The following RPS6KB1 variants were observed in gnomAD, a reference collection of about 807,000 sequenced individuals.
RPS6KB1 encodes ribosomal protein S6 kinase B1, also known as ribosomal protein S6 kinase beta-1.
A neutral mutation model predicts 70.2 loss-of-function variants in RPS6KB1; 12 were observed. That is an observed-to-expected ratio of 0.17 (90% CI 0.11 to 0.28). The LOEUF is 0.28. RPS6KB1 is among the 10% of genes least tolerant of loss of function. The pLI is 1.00. For synonymous variants in RPS6KB1, 175 were observed against 211.2 expected (o/e 0.83, Z 1.49); for missense variants, 270 against 646.6 (o/e 0.42, Z 6.32).
In RPS6KB1 at chr17:59,925,057, T is replaced by G. The variant is rs1323946857; in HGVS notation, c.382-1378T>G. Among the ~76,000 whole-genome samples, 3 of 152,206 alleles carry G rather than the reference T, an allele frequency of 2.0e-5. No individual in the cohort carries two copies. In the East Asian group the frequency reaches 5.8e-4, roughly 29 times the overall value. On this transcript the variant is annotated intron_variant, in intron 4 of 14. Transcript: ENST00000225577. Reference sequence around the variant, plus strand: ...CGTGTTAGCCAGGATGGTCTTGATCTCCTAACCTCATTATCCGCCCTCCTC... The same window carrying G: ...CGTGTTAGCCAGGATGGTCTTGATCGCCTAACCTCATTATCCGCCCTCCTC...
chr17:59,906,992 C>G (rs944017522), intron 1 of RPS6KB1: 2 of 150,440 alleles, frequency 1.3e-5, no homozygotes, highest in Non-Finnish European at 2.9e-5. Flanking sequence ...CTTGCCCGGT[C>G]CCTTGCATTT....
intron 2 of RPS6KB1, among the ~76,000 whole-genome samples, chr17:59,911,022 C>T (rs892665381): frequency 6.6e-6 from 1 of 152,182 alleles, no homozygotes; most frequent in African/African-American, 2.4e-5. Flanking sequence ...GTGGCTCACA[C>T]CTGTAATCCC....
intron 2 of RPS6KB1, 151 bp from the exon 3 acceptor site, chr17:59,912,533 C>A: frequency 1.5e-6 from 1 of 684,772 alleles, no homozygotes. Flanking sequence ...ACCTGCTGTT[C>A]TGTTTGTTTA....
chr17:59,939,525 AC>A (rs34530090), intron 12 of RPS6KB1, among the ~76,000 whole-genome samples: 21,649 of 152,080 alleles, frequency 0.14, 1,684 homozygotes, highest in Middle Eastern at 0.19. Flanking sequence ...AAAGCAATCC[AC>A]CTGCCTCTGC....
chr17:59,922,867 T>TG (rs2043359840), intron 4 of RPS6KB1, among the ~76,000 whole-genome samples: 1 of 133,640 alleles, frequency 7.5e-6, no homozygotes, highest in African/African-American at 2.7e-5. Flanking sequence ...TAAAAAAATT[T>TG]GTTTGTTTTT....
intron 1 of RPS6KB1, among the ~76,000 whole-genome samples, chr17:59,906,352 TCCCTTC>T (rs963369036): frequency 6.0e-4 from 91 of 152,092 alleles, no homozygotes; most frequent in South Asian, 1.3e-3. Context: ...GTCCCTTGCC[TCCCTTC>T]CCCTTCCCCT....
rs1430918964 is a variant in RPS6KB1 at position 59,949,657 on chromosome 17, GT to G, written c.*2871del. 6.6e-6 allele frequency: 1 copy of G among 152,386 alleles called. No individual in the cohort carries two copies. The highest frequency in any genetic ancestry group is 1.5e-5 in the Non-Finnish European group (1 of 67,912). 9.4% of individuals were successfully genotyped at this position (152,386 alleles called of 1,614,324 possible). ...TGAACCAGATTTTTAGGAAAATTAT[GT>G]TCTTTTTCCCCCTTTATGGTCTTAA... On this transcript the variant is annotated 3_prime_UTR_variant, in exon 15 of 15. Coordinates refer to ENST00000225577, the MANE Select transcript of RPS6KB1 (RefSeq NM_003161.4).
Position 59,950,044 on chromosome 17 carries a change from TAGG to T in RPS6KB1, c.*3259_*3261del, listed in dbSNP as rs1184305450. Reference sequence around the variant, plus strand: ...ATGTCCAAACATCTACCTTTTTTCATAGGAGTAGACACTAGCAAGCTGGACAAA... The same window carrying T: ...ATGTCCAAACATCTACCTTTTTTCATAGTAGACACTAGCAAGCTGGACAAA... On this transcript the variant is annotated 3_prime_UTR_variant, in exon 15 of 15. Coordinates refer to ENST00000225577, the MANE Select transcript of RPS6KB1 (RefSeq NM_003161.4). 5 of 152,566 alleles carry T rather than the reference TAGG, an allele frequency of 3.3e-5. No individual in the cohort carries two copies. The highest frequency in any genetic ancestry group is 2.1e-4 in the South Asian group (1 of 4,834). 9.5% of individuals were successfully genotyped at this position (152,566 alleles called of 1,614,324 possible). A position where few individuals can be genotyped will look rare whatever the true frequency, so the allele number is the denominator to read the frequency against.
intron 1 of RPS6KB1, among the ~76,000 whole-genome samples, chr17:59,903,714 C>T (rs1399212853): frequency 1.3e-5 from 2 of 152,076 alleles, no homozygotes; most frequent in Non-Finnish European, 2.9e-5. Flanking sequence ...ACTTACTTTT[C>T]CTCTTTATCA....
chr17:59,944,954 A>T (rs1439672395), intron 13 of RPS6KB1, among the ~76,000 whole-genome samples: 2 of 151,724 alleles, frequency 1.3e-5, no homozygotes, highest in African/African-American at 4.8e-5. Flanking sequence ...GTGCACCACC[A>T]TGCATGGTGG....
intron 4 of RPS6KB1, among the ~76,000 whole-genome samples, chr17:59,922,434 C>G (rs1387384052): frequency 6.6e-6 from 1 of 151,220 alleles, no homozygotes; most frequent in Non-Finnish European, 1.5e-5. Context: ...ATGGTTTTAT[C>G]TGGATTGTTT....
intron 2 of RPS6KB1, 177 bp from the exon 3 acceptor site, chr17:59,912,507 G>T: frequency 1.9e-6 from 1 of 538,814 alleles, no homozygotes; most frequent in Non-Finnish European, 3.3e-6. Context: ...ACGATTATCA[G>T]GCCACCCTCC....
intron 1 of RPS6KB1, among the ~76,000 whole-genome samples, chr17:59,900,232 C>CACA (rs1568377896): frequency 4.8e-5 from 5 of 104,900 alleles, no homozygotes; most frequent in African/African-American, 1.0e-4. Context: ...ACACACACAC[C>CACA]CCTATGTGTT....
chr17:59,911,100 T>G (rs1033372719), intron 2 of RPS6KB1, among the ~76,000 whole-genome samples: 1 of 152,198 alleles, frequency 6.6e-6, no homozygotes, highest in Non-Finnish European at 1.5e-5. Flanking sequence ...CTGGCCGACA[T>G]GGCGAAACCC....
In RPS6KB1 at chr17:59,946,976, A is replaced by G. The variant is rs2044965919; in HGVS notation, c.*188A>G. ...ATCAATGGTGCAAAAAAAAACTTAAAGCAAAATAGTATTGCTGAACTCTTA... is the reference window on the plus strand; with the variant it reads ...ATCAATGGTGCAAAAAAAAACTTAAGGCAAAATAGTATTGCTGAACTCTTA... On this transcript the variant is annotated 3_prime_UTR_variant, in exon 15 of 15. Coordinates refer to ENST00000225577, the MANE Select transcript of RPS6KB1 (RefSeq NM_003161.4). The surrounding 1 kb of genome is among the most constrained non-coding windows in gnomAD (Gnocchi z 4.2). The G allele has an allele frequency of 1.4e-6, 2 of 1,426,832 alleles. No homozygotes were observed. The highest frequency in any genetic ancestry group is 1.4e-5 in the African/African-American group (1 of 69,428). The allele number at this position is 1,426,832 out of a possible 1,614,324, so 88.4% of individuals were successfully genotyped here.
chr17:59,910,801 A>G (rs1327164159), intron 2 of RPS6KB1, among the ~76,000 whole-genome samples, 190 bp downstream of exon 2: 1 of 152,212 alleles, frequency 6.6e-6, no homozygotes, highest in Non-Finnish European at 1.5e-5. Flanking sequence ...GAGATTATGT[A>G]TGGATTTTGA....
chr17:59,935,681 G>A (rs547790829), intron 10 of RPS6KB1, among the ~76,000 whole-genome samples: 14 of 152,152 alleles, frequency 9.2e-5, no homozygotes, highest in African/African-American at 2.4e-4. Context: ...CACCGTGTTG[G>A]TCAGTCTGGT....
chr17:59,932,060 TA>T (rs1180855633), intron 7 of RPS6KB1, among the ~76,000 whole-genome samples: 37 of 152,138 alleles, frequency 2.4e-4, no homozygotes, highest in African/African-American at 8.2e-4. Flanking sequence ...GCTTGTTACT[TA>T]AATTGAAAAG....
chr17:59,917,060 C>T (rs1289772656), intron 4 of RPS6KB1, among the ~76,000 whole-genome samples: 1 of 152,070 alleles, frequency 6.6e-6, no homozygotes, highest in Non-Finnish European at 1.5e-5. Context: ...AAGATTTTCT[C>T]TTTATTTCTG....
Sources: allele counts gnomAD v4.1 joint callset (sites outside exome capture counted in the v4.1 genomes callset), GRCh38; gene constraint gnomAD v4.1.1; non-coding constraint Gnocchi (gnomAD v3.1); transcripts MANE v1.5; gene names NCBI Gene and HGNC (gene_info 2026-07-23, HGNC 2026-07-21).